OR2T2: variants seen among roughly 807,000 people sequenced by gnomAD.
The protein encoded by OR2T2 is olfactory receptor 2T2.
For missense variants in OR2T2, 138 were observed against 409.1 expected (o/e 0.34, Z 5.72); for synonymous variants, 50 against 162.7 (o/e 0.31, Z 5.27).
At chr1:248,451,932 AAAC>A (rs1432775486) in intron 2 of OR2T2, among the ~76,000 whole-genome samples, 1 of 106,110 alleles carries the variant, frequency 9.4e-6, no homozygotes. Context: ...CATTTTGGCT[AAAC>A]AATATTTTAA....
exon 3 of OR2T2, chr1:248,453,795 G>A (rs757021186): frequency 8.7e-6 from 13 of 1,493,420 alleles, no homozygotes; most frequent in Middle Eastern, 3.8e-4. Context: ...CAGCATCAGA[G>A]TGGTGACTGT....
chr1:248,447,730 G>A (rs533795733), intron 2 of OR2T2, among the ~76,000 whole-genome samples: 20 of 152,224 alleles, frequency 1.3e-4, no homozygotes, highest in African/African-American at 4.8e-4. Flanking sequence ...TTTCAAAGCA[G>A]TGATCACTTA....
chr1:248,447,900 T>A (rs1662703369), intron 2 of OR2T2, among the ~76,000 whole-genome samples: 1 of 142,062 alleles, frequency 7.0e-6, no homozygotes, highest in Admixed American at 7.0e-5. Context: ...ATCTACCATG[T>A]GTAGAAAATA....
exon 3 of OR2T2, chr1:248,453,812 G>A (rs1662878149): frequency 1.4e-6 from 2 of 1,457,752 alleles, no homozygotes; most frequent in East Asian, 2.9e-5. Flanking sequence ...CTGTGATCGG[G>A]AAGGATTAGC....
intron 1 of OR2T2, among the ~76,000 whole-genome samples, chr1:248,446,315 T>TG (rs1662647677): frequency 6.9e-6 from 1 of 145,012 alleles, no homozygotes; most frequent in Non-Finnish European, 1.5e-5. Flanking sequence ...GCTGAGTAAC[T>TG]GGAGCCCAGG....
chr1:248,453,989 A>C (rs1318589912), exon 3 of OR2T2: 4 of 584,910 alleles, frequency 6.8e-6, no homozygotes, highest in Non-Finnish European at 5.9e-6. Flanking sequence ...TAACAGGCAA[A>C]ATCATCCTGT....
exon 3 of OR2T2, chr1:248,453,974 A>G (rs1206658568): frequency 4.9e-6 from 3 of 607,516 alleles, no homozygotes; most frequent in African/African-American, 4.5e-5. Context: ...TCAGCAATTC[A>G]AAATTAACAG....
At chr1:248,446,857 T>C (rs1662671731) in intron 2 of OR2T2, 46 bp downstream of exon 2, 1 of 148,282 alleles carries the variant, frequency 6.7e-6, no homozygotes, top group Non-Finnish European at 1.5e-5. Flanking sequence ...CAAACTGAAC[T>C]AACTTCTGGC....
intron 2 of OR2T2, among the ~76,000 whole-genome samples, chr1:248,450,345 CTCTT>C (rs1207374312): frequency 3.9e-5 from 5 of 128,128 alleles, no homozygotes; most frequent in Middle Eastern, 3.7e-3. Context: ...CACAAGGAAC[CTCTT>C]TTTTTTTTTT....
chr1:248,447,532 C>A (rs1206866297), intron 2 of OR2T2, among the ~76,000 whole-genome samples: 2 of 146,868 alleles, frequency 1.4e-5, no homozygotes, highest in Non-Finnish European at 3.0e-5. Context: ...TGGACTCTCC[C>A]CTCTCTCTTC....
rs552335942 is a variant in OR2T2, at chr1:248,453,504, G to A, written c.707G>A (p.Arg236His). The change falls in exon 3 of 3, where the codon CGC becomes CAC. Residue 236 changes from arginine to histidine, a missense_variant. By Grantham distance (29) the Arg-to-His change is conservative. Transcript: ENST00000642130. Reference sequence around the variant, plus strand: ...AGGATGAACTCTGCTGAGGGCCGGCGCAAAGCCTTTGCTACGTGTTCCTCC... The same window carrying A: ...AGGATGAACTCTGCTGAGGGCCGGCACAAAGCCTTTGCTACGTGTTCCTCC... 94 of 1,586,612 alleles carry A rather than the reference G, an allele frequency of 5.9e-5. 3 individuals are homozygous for A. The East Asian group carries it at 6.5e-4, about 11-fold the overall frequency.
chr1:248,447,176 T>A lies in OR2T2; in HGVS notation c.-23+365T>A, dbSNP rs1662682824. Among the ~76,000 whole-genome samples the A allele has an allele frequency of 6.0e-5, 9 of 150,490 alleles. No homozygotes were observed. In the South Asian group the frequency reaches 1.7e-3, roughly 28 times the overall value. ...TTGCTGTGGAGAGAAGGGGATAAAA[T>A]CTGATTAATGTAGGAAGCAAGGTCC... On this transcript the variant is annotated intron_variant, in intron 2 of 2. Transcript: ENST00000642130.
chr1:248,454,271 G>A lies in OR2T2; in HGVS notation c.*499G>A, dbSNP rs1356535414. 9.1e-4 allele frequency: 78 copies of A among 85,508 alleles called. No individual in the cohort carries two copies. In the African/African-American group the frequency reaches 0.03, roughly 33 times the overall value. The allele number at this position is 85,508 out of a possible 1,614,324, so 5.3% of individuals were successfully genotyped here. On this transcript the variant is annotated 3_prime_UTR_variant, in exon 3 of 3. Transcript: ENST00000642130. ...AGTCCTGCCTGTCTGTATTGCTAACGTGTGATGAGTCCTTCTGTGTCTGTA... is the reference window on the plus strand; with the variant it reads ...AGTCCTGCCTGTCTGTATTGCTAACATGTGATGAGTCCTTCTGTGTCTGTA...
chr1:248,449,870 C>CT (rs1662753148), intron 2 of OR2T2, among the ~76,000 whole-genome samples: 1 of 129,586 alleles, frequency 7.7e-6, no homozygotes, highest in South Asian at 2.4e-4. Context: ...GAAGGGGAAC[C>CT]TAAGTGTCTT....
At chr1:248,447,062 G>C (rs149553207) in intron 2 of OR2T2, among the ~76,000 whole-genome samples, 1,309 of 151,886 alleles carry the variant, frequency 8.6e-3, no homozygotes, top group South Asian at 0.018. Flanking sequence ...TAAATAGGCA[G>C]ATAAAGGGGG....
chr1:248,446,078 A>C (rs569496552), intron 1 of OR2T2, among the ~76,000 whole-genome samples: 3 of 145,654 alleles, frequency 2.1e-5, no homozygotes, highest in Non-Finnish European at 4.4e-5. Flanking sequence ...TAAAATTTTA[A>C]TTTACATTTT....
chr1:248,448,098 G>A (rs1393246640), intron 2 of OR2T2, among the ~76,000 whole-genome samples: 4 of 152,110 alleles, frequency 2.6e-5, no homozygotes, highest in Admixed American at 2.0e-4. Flanking sequence ...TTTCTTAATG[G>A]CTCCAAAGAG....
chr1:248,450,768 CTT>C (rs1427014235), intron 2 of OR2T2, among the ~76,000 whole-genome samples: 1 of 148,318 alleles, frequency 6.7e-6, no homozygotes, highest in Admixed American at 6.6e-5. Flanking sequence ...TCAAGACAAA[CTT>C]ACTGTCTGCG....
At chr1:248,452,467 A>C (rs1395149401) in intron 2 of OR2T2, among the ~76,000 whole-genome samples, 3 of 91,710 alleles carry the variant, frequency 3.3e-5, no homozygotes, top group Non-Finnish European at 5.7e-5. Flanking sequence ...AGATTATGAA[A>C]TGTATTCAGA....
Sources: allele counts gnomAD v4.1 joint callset (sites outside exome capture counted in the v4.1 genomes callset), GRCh38; gene constraint gnomAD v4.1.1; transcripts MANE v1.5; gene names NCBI Gene and HGNC (gene_info 2026-07-23, HGNC 2026-07-21).